SND1: variants seen among roughly 807,000 people sequenced by gnomAD.
The protein encoded by SND1 is staphylococcal nuclease domain-containing protein 1.
SND1 carries 38 observed loss-of-function variants against 121.7 expected under a neutral mutation model. The ratio of observed to expected loss-of-function variants is 0.31; its 90% confidence interval spans 0.24 to 0.41. SND1 has a LOEUF of 0.41. Ranked by LOEUF, SND1 falls within the 10% of genes least tolerant of loss-of-function variation. The probability of loss-of-function intolerance (pLI) is 1.00; values close to 1 mark genes in which losing one functional copy is unlikely to be tolerated. For missense variants in SND1, 868 were observed against 1,184.6 expected (o/e 0.73, Z 3.92); for synonymous variants, 401 against 447.4 (o/e 0.90, Z 1.31).
Position 128,092,037 on chromosome 7 carries a change from C to T in SND1, c.2712C>T (p.Asp904=), listed in dbSNP as rs546260832. The T allele has an allele frequency of 3.8e-5, 62 of 1,614,084 alleles. 1 individual carries two copies. The highest frequency in any genetic ancestry group is 2.9e-4 in the East Asian group (13 of 44,888). Residue 904 remains aspartate, a synonymous_variant, in exon 24 of 24, where the codon GAC becomes GAT. Transcript: ENST00000354725. This position sits in a 1 kb window ranked among gnomAD's most constrained non-coding sequence, Gnocchi z 4.9. ...RYGDFRADDA[D]EFGYSR is the part of the protein sequence containing the mutation. ...GAGACTTTCGAGCTGATGATGCAGA[C>T]GAATTTGGCTACAGCCGCTAAGGAG...
At chr7:127,668,946 A>G (rs1398179333) in intron 1 of SND1, among the ~76,000 whole-genome samples, 1 of 151,410 alleles carries the variant, frequency 6.6e-6, no homozygotes, top group African/African-American at 2.4e-5. Flanking sequence ...TCAGTAGTTC[A>G]TGTTATCTGT....
rs553586190 is a variant in SND1 at position 127,715,676 on chromosome 7, C to T, written c.1039-5611C>T. 9.9e-5 allele frequency among the ~76,000 whole-genome samples: 15 copies of T among 152,180 alleles called. No homozygotes were observed. In the South Asian group the frequency reaches 3.1e-3, roughly 32 times the overall value. Reference sequence around the variant, plus strand: ...GTATATGATTGGCAAATATTTTCTCCTATTTTGTCAGTTGCCTTTTACTTT... The same window carrying T: ...GTATATGATTGGCAAATATTTTCTCTTATTTTGTCAGTTGCCTTTTACTTT... On this transcript the variant is annotated intron_variant, in intron 9 of 23. Transcript: ENST00000354725.
chr7:128,065,867 C>T (rs966613237), intron 16 of SND1, among the ~76,000 whole-genome samples: 22 of 152,212 alleles, frequency 1.4e-4, no homozygotes, highest in East Asian at 1.3e-3. Context: ...CCTGCTCTGG[C>T]TTGGGAGACC....
At chr7:127,658,652 AG>A (rs1795253450) in intron 1 of SND1, among the ~76,000 whole-genome samples, 1 of 152,244 alleles carries the variant, frequency 6.6e-6, no homozygotes, top group African/African-American at 2.4e-5. Flanking sequence ...AGCATGCTTC[AG>A]GGGATCAAAA....
chr7:127,832,841 A>G (rs1331861472), intron 11 of SND1, among the ~76,000 whole-genome samples: 2 of 152,226 alleles, frequency 1.3e-5, no homozygotes, highest in Admixed American at 1.3e-4. Flanking sequence ...GCCTCCTGTC[A>G]GATCAGCAGC....
intron 16 of SND1, among the ~76,000 whole-genome samples, chr7:128,039,201 C>G (rs1423728296): frequency 2.0e-5 from 3 of 152,340 alleles, no homozygotes. Context: ...TAGCCCCACT[C>G]ATCACAGTTA....
intron 10 of SND1, among the ~76,000 whole-genome samples, chr7:127,744,469 T>G (rs770485363): frequency 9.9e-5 from 15 of 152,226 alleles, no homozygotes; most frequent in Non-Finnish European, 1.2e-4. Flanking sequence ...AGTTGTTGCA[T>G]GTACAGTGGG....
At chr7:127,685,438 G>A (rs1054623147) in intron 1 of SND1, among the ~76,000 whole-genome samples, 2 of 152,314 alleles carry the variant, frequency 1.3e-5, no homozygotes, top group Middle Eastern at 3.4e-3. Context: ...GTGGAATTGA[G>A]AGTCTTTCAG....
At chr7:127,836,161 A>T (rs1352859931) in intron 11 of SND1, among the ~76,000 whole-genome samples, 1 of 152,226 alleles carries the variant, frequency 6.6e-6, no homozygotes, top group Non-Finnish European at 1.5e-5. Flanking sequence ...CCCTCAAAAC[A>T]GATAAAAGCG....
chr7:127,850,913 C>T (rs1799153790), intron 12 of SND1, among the ~76,000 whole-genome samples: 1 of 152,146 alleles, frequency 6.6e-6, no homozygotes, highest in Admixed American at 6.6e-5. Context: ...GACACTTGTC[C>T]CATAAAACAC....
rs113995096 is a variant in SND1, at chr7:127,942,963, T to G, written c.1669+13634T>G. On this transcript the variant is annotated intron_variant, in intron 15 of 23. Transcript: ENST00000354725. The stretch of plus-strand genomic sequence containing the variant: ...CATTAATAATATGGGGTAATAGCAT[T>G]CTGAGCCTCTTACGTGGATCCATTT... Among the ~76,000 whole-genome samples, 892 of 152,300 alleles carry G rather than the reference T, an allele frequency of 5.9e-3. 16 individuals carry two copies. Among genetic ancestry groups the G allele is most frequent in the African/African-American group, 0.02 (851 of 41,570 alleles).
chr7:128,030,337 C>G, intron 16 of SND1: 1 of 1,614,130 alleles, frequency 6.2e-7, no homozygotes, highest in Non-Finnish European at 8.5e-7. Context: ...TGCAGGACCT[C>G]CAGGTGGTGG....
At chr7:127,938,403 C>T (rs1402122798) in intron 15 of SND1, among the ~76,000 whole-genome samples, 2 of 152,030 alleles carry the variant, frequency 1.3e-5, no homozygotes, top group East Asian at 1.9e-4. Context: ...ATGTAGATGG[C>T]CATACAAATA....
chr7:128,039,368 G>A (rs553482502), intron 16 of SND1, among the ~76,000 whole-genome samples: 2 of 152,310 alleles, frequency 1.3e-5, no homozygotes, highest in South Asian at 4.1e-4. Flanking sequence ...GAGGGATGAG[G>A]ACTGTTTTTG....
chr7:127,780,370 T>A (rs1797697639), intron 10 of SND1, among the ~76,000 whole-genome samples: 1 of 152,184 alleles, frequency 6.6e-6, no homozygotes, highest in South Asian at 2.1e-4. Context: ...GTGAGATGGG[T>A]GCCTGAGTTA....
intron 15 of SND1, among the ~76,000 whole-genome samples, chr7:127,989,635 AG>A (rs2116914585): frequency 6.6e-6 from 1 of 152,102 alleles, no homozygotes; most frequent in Non-Finnish European, 1.5e-5. Flanking sequence ...AATAAAAGGT[AG>A]CACCTCTTAG....
intron 11 of SND1, among the ~76,000 whole-genome samples, chr7:127,815,310 A>G (rs1469411809): frequency 6.6e-6 from 1 of 150,922 alleles, no homozygotes; most frequent in Non-Finnish European, 1.5e-5. Context: ...CCCTAAATTC[A>G]TTGACCAGTA....
chr7:127,912,252 A>G (rs752293497), intron 14 of SND1, among the ~76,000 whole-genome samples: 3 of 152,202 alleles, frequency 2.0e-5, no homozygotes, highest in Non-Finnish European at 4.4e-5. Context: ...TTTGATTTAC[A>G]TGGGAATTTT....
At chr7:127,666,595 A>G (rs1204054872) in intron 1 of SND1, among the ~76,000 whole-genome samples, 1 of 146,452 alleles carries the variant, frequency 6.8e-6, no homozygotes, top group East Asian at 1.9e-4. Context: ...GCCCCCCTCA[A>G]AAAAAAAAAG....
Sources: gnomAD v4.1 joint callset for allele counts (sites outside exome capture counted in the v4.1 genomes callset) on GRCh38, gnomAD v4.1.1 for gene constraint, Gnocchi (gnomAD v3.1) non-coding constraint, MANE v1.5 for transcripts, NCBI Gene and HGNC (gene_info 2026-07-23, HGNC 2026-07-21) for gene names.